Variants in ZDHHC13 observed in about 807,000 individuals in gnomAD.
ZDHHC13 encodes the protein zDHHC palmitoyltransferase 13, also known as palmitoyltransferase ZDHHC13.
ZDHHC13 carries 85 observed loss-of-function variants against 86.0 expected under a neutral mutation model. The observed-to-expected ratio is 0.99, with a 90% CI of 0.83 to 1.18. The LOEUF (loss-of-function observed/expected upper bound fraction) is 1.18. Ranked by LOEUF, ZDHHC13 falls within the 50% of genes most tolerant of loss-of-function variation. The probability of loss-of-function intolerance (pLI) is 0.00; values close to 1 mark genes in which losing one functional copy is unlikely to be tolerated. For missense variants in ZDHHC13, 711 were observed against 730.2 expected, an observed-to-expected ratio of 0.97 and a Z score of 0.30; for synonymous variants, 263 against 246.4, an observed-to-expected ratio of 1.07 and a Z score of -0.63.
At chr11:19,137,201 A>C (rs1335888619) in intron 1 of ZDHHC13, among the ~76,000 whole-genome samples, 1 of 152,134 alleles carries the variant, frequency 6.6e-6, no homozygotes, top group African/African-American at 2.4e-5. Flanking sequence ...ACATAGGCTC[A>C]AAATAAAAGG....
intron 1 of ZDHHC13, among the ~76,000 whole-genome samples, chr11:19,121,953 G>A (rs1307284826): frequency 6.6e-6 from 1 of 152,086 alleles, no homozygotes; most frequent in Non-Finnish European, 1.5e-5. Context: ...GGAGAGATTA[G>A]GCTGAGAGAA....
At chr11:19,165,166 A>C in intron 13 of ZDHHC13, 21 bp downstream of exon 13, 1 of 1,597,440 alleles carries the variant, frequency 6.3e-7, no homozygotes, top group East Asian at 2.3e-5. Flanking sequence ...TAATTTTTCA[A>C]TTACTACTGT....
At chr11:19,120,387 C>T (rs112480874) in intron 1 of ZDHHC13, among the ~76,000 whole-genome samples, 2 of 152,224 alleles carry the variant, frequency 1.3e-5, no homozygotes, top group Non-Finnish European at 2.9e-5. Context: ...GACACCTACA[C>T]GTGACCTGGG....
rs556243316 is a variant in ZDHHC13, at chr11:19,152,826, A to G, written c.873+142A>G. The G allele has an allele frequency of 1.9e-5, 25 of 1,346,480 alleles. No homozygotes were observed. In the East Asian group the frequency reaches 5.3e-4, roughly 29 times the overall value. The allele number at this position is 1,346,480 out of a possible 1,614,324, so 83.4% of individuals were successfully genotyped here. On this transcript the variant is annotated intron_variant, in intron 8 of 16. Transcript: ENST00000446113. The stretch of plus-strand genomic sequence containing the variant: ...TGACTATATCTTTCCCCCGCATCCT[A>G]TTACCCAAAGTTGGAAATTTGGCAC...
intron 16 of ZDHHC13, among the ~76,000 whole-genome samples, chr11:19,173,666 G>A (rs4757764): frequency 0.083 from 12,697 of 152,260 alleles, 556 homozygotes; most frequent in Non-Finnish European, 0.096. Context: ...TAAAGCAATG[G>A]CGAGTGGAAA....
chr11:19,149,791 CAGGTTAAATTAT>C (rs1234838785), intron 5 of ZDHHC13, among the ~76,000 whole-genome samples: 4 of 152,210 alleles, frequency 2.6e-5, no homozygotes, highest in Non-Finnish European at 4.4e-5. Context: ...TTGAGAGGCA[CAGGTTAAATTAT>C]AGGTTATTGT....
chr11:19,173,783 C>A (rs1850287125), intron 16 of ZDHHC13, among the ~76,000 whole-genome samples: 1 of 152,050 alleles, frequency 6.6e-6, no homozygotes, highest in African/African-American at 2.4e-5. Context: ...ACTATGGAAG[C>A]CTGTGATAGA....
intron 14 of ZDHHC13, chr11:19,170,134 G>C: frequency 8.0e-7 from 1 of 1,246,924 alleles, no homozygotes; most frequent in Non-Finnish European, 1.0e-6. Flanking sequence ...TATGCTGAAT[G>C]CTGATTTTAG....
In ZDHHC13 at chr11:19,146,108, G is replaced by C. The variant is rs1160512244; in HGVS notation, c.174-73G>C. On this transcript the variant is annotated intron_variant, in intron 2 of 16. Transcript: ENST00000446113. Reference sequence around the variant, plus strand: ...GCAGTTTGGATAGTGAAAAGATATAGTAAAGTGAAGAAATTTTGATATTTG... The same window carrying C: ...GCAGTTTGGATAGTGAAAAGATATACTAAAGTGAAGAAATTTTGATATTTG... 34 of 1,441,182 alleles carry C rather than the reference G, an allele frequency of 2.4e-5. 1 individual carries two copies. The East Asian group carries it at 8.4e-4, about 36-fold the overall frequency. The allele number at this position is 1,441,182 out of a possible 1,614,324, so 89.3% of individuals were successfully genotyped here. A position where few individuals can be genotyped will look rare whatever the true frequency, so the allele number is the denominator to read the frequency against.
chr11:19,165,437 A>G (rs1336633117), intron 13 of ZDHHC13, among the ~76,000 whole-genome samples: 1 of 152,216 alleles, frequency 6.6e-6, no homozygotes, highest in Non-Finnish European at 1.5e-5. Flanking sequence ...TGACACAACT[A>G]GTAATACATA....
At chr11:19,170,681 ACT>A (rs1390883188) in intron 15 of ZDHHC13, 113 bp downstream of exon 15, 1 of 1,038,432 alleles carries the variant, frequency 9.6e-7, no homozygotes, top group Non-Finnish European at 1.4e-6. Context: ...TCTGTCACTG[ACT>A]CTGTGGGTCT....
At chr11:19,169,414 TAAAGAG>T (rs1850158999) in intron 14 of ZDHHC13, 1 of 985,296 alleles carries the variant, frequency 1.0e-6, no homozygotes, top group African/African-American at 1.7e-5. Context: ...ATCAGAGACT[TAAAGAG>T]AAAAGAAAAG....
intron 1 of ZDHHC13, among the ~76,000 whole-genome samples, chr11:19,140,416 A>G (rs1160056779): frequency 6.6e-6 from 1 of 152,216 alleles, no homozygotes; most frequent in East Asian, 1.9e-4. Context: ...TCAGGAAACA[A>G]CAGGTGCTGG....
At chr11:19,118,932 A>G (rs1166578743) in intron 1 of ZDHHC13, 1 of 152,232 alleles carries the variant, frequency 6.6e-6, no homozygotes, top group Non-Finnish European at 1.5e-5. Context: ...TTCATTCAGC[A>G]AATGTGTTTT....
chr11:19,141,315 A>G (rs560302653), intron 1 of ZDHHC13, among the ~76,000 whole-genome samples: 1 of 152,288 alleles, frequency 6.6e-6, no homozygotes, highest in East Asian at 1.9e-4. Flanking sequence ...TTTAGAATAT[A>G]TGTAAATAAT....
intron 1 of ZDHHC13, among the ~76,000 whole-genome samples, chr11:19,138,555 T>G (rs1169166152): frequency 6.6e-6 from 1 of 151,964 alleles, no homozygotes; most frequent in Non-Finnish European, 1.5e-5. Flanking sequence ...CCTCCCTAAC[T>G]CATTTTGTGA....
intron 12 of ZDHHC13, 43 bp from the exon 13 acceptor site, chr11:19,165,009 A>G: frequency 6.4e-7 from 1 of 1,560,554 alleles, no homozygotes; most frequent in Non-Finnish European, 8.8e-7. Context: ...TACCACTTTG[A>G]GACACTGGTT....
intron 8 of ZDHHC13, among the ~76,000 whole-genome samples, chr11:19,153,903 C>T (rs187199645): frequency 1.1e-4 from 17 of 151,490 alleles, no homozygotes; most frequent in East Asian, 7.8e-4. Context: ...ATTAGAAAGA[C>T]GGGTTAACTA....
At chr11:19,172,937 A>T (rs748339564) in intron 16 of ZDHHC13, 117 bp downstream of exon 16, 3 of 832,308 alleles carry the variant, frequency 3.6e-6, no homozygotes, top group Non-Finnish European at 5.4e-6. Context: ...CATCTAGTAC[A>T]GTTGACCCCC....
Sources: allele counts gnomAD v4.1 joint callset (sites outside exome capture counted in the v4.1 genomes callset), GRCh38; gene constraint gnomAD v4.1.1; transcripts MANE v1.5; gene names NCBI Gene and HGNC (gene_info 2026-07-23, HGNC 2026-07-21).